Variants in C10orf143 observed in about 807,000 individuals in gnomAD.
C10orf143 encodes chromosome 10 open reading frame 143, also known as uncharacterized protein C10orf143.
At chr10:130,108,642 C>T (rs533742682) in intron 1 of C10orf143, among the ~76,000 whole-genome samples, 36 of 151,974 alleles carry the variant, frequency 2.4e-4, no homozygotes, top group South Asian at 4.2e-4. Context: ...GTATTTTATT[C>T]GATAGTATAA....
intron 3 of C10orf143, among the ~76,000 whole-genome samples, chr10:130,055,545 T>A (rs1038061367): frequency 1.3e-5 from 2 of 152,206 alleles, no homozygotes; most frequent in East Asian, 3.8e-4. Context: ...TGAGATATAA[T>A]TTCTTCCACT....
chr10:130,107,669 C>G (rs753784504), intron 1 of C10orf143: 8 of 1,302,724 alleles, frequency 6.1e-6, no homozygotes, highest in Non-Finnish European at 7.8e-6. Flanking sequence ...GTTGGAGGGT[C>G]CACTCAGACT....
chr10:130,102,778 A>C (rs536314313), intron 1 of C10orf143, among the ~76,000 whole-genome samples: 1 of 152,210 alleles, frequency 6.6e-6, no homozygotes, highest in East Asian at 1.9e-4. Context: ...TGATGAATTG[A>C]CTTTTTTAAT....
chr10:130,095,730 G>C (rs1861452050), intron 1 of C10orf143, among the ~76,000 whole-genome samples: 1 of 88,954 alleles, frequency 1.1e-5, no homozygotes, highest in Admixed American at 1.4e-4. Context: ...GGGAAGACTG[G>C]CTAAGCCATA....
intron 3 of C10orf143, among the ~76,000 whole-genome samples, chr10:130,055,172 CAGAG>C (rs1451966972): frequency 5.3e-5 from 8 of 151,812 alleles, no homozygotes; most frequent in African/African-American, 1.9e-4. Context: ...AGAAAAAAAA[CAGAG>C]AGAAGGTTTC....
At chr10:130,049,225 T>A (rs1254507229) in intron 3 of C10orf143, among the ~76,000 whole-genome samples, 4 of 152,136 alleles carry the variant, frequency 2.6e-5, no homozygotes, top group Admixed American at 2.0e-4. Flanking sequence ...TGGATCTCCA[T>A]CCACAGGGAA....
At chr10:130,057,764 G>C (rs1860811949) in intron 3 of C10orf143, among the ~76,000 whole-genome samples, 2 of 152,180 alleles carry the variant, frequency 1.3e-5, no homozygotes, top group Non-Finnish European at 2.9e-5. Context: ...CGGTAAAAGT[G>C]GCTATGAACA....
In C10orf143 at chr10:130,050,362, G is replaced by A. The variant is rs530167720; in HGVS notation, c.298-14392C>T. Among the ~76,000 whole-genome samples the A allele has an allele frequency of 4.4e-4, 67 of 152,364 alleles. 2 individuals carry two copies. The East Asian group carries it at 0.011, about 25-fold the overall frequency. Reference sequence around the variant, plus strand: ...AGGCGGGAGGATCACTTGAGCCCAGGAGTTCAAGACCAGCCTGAGCAACAT... The same window carrying A: ...AGGCGGGAGGATCACTTGAGCCCAGAAGTTCAAGACCAGCCTGAGCAACAT... On this transcript the variant is annotated intron_variant and NMD_transcript_variant, in intron 3 of 5. Transcript: ENST00000643056.
intron 3 of C10orf143, among the ~76,000 whole-genome samples, chr10:130,043,958 C>T (rs1018526464): frequency 2.2e-4 from 33 of 151,738 alleles, no homozygotes; most frequent in African/African-American, 8.0e-4. Context: ...AGCCTGGGCA[C>T]CTGGACAGTG....
rs1018226296 is a variant in C10orf143 at position 130,056,309 on chromosome 10, C to T, written c.298-20339G>A. On this transcript the variant is annotated intron_variant and NMD_transcript_variant, in intron 3 of 5. Coordinates refer to the C10orf143 transcript ENST00000643056. This position sits in a 1 kb window ranked among gnomAD's most constrained non-coding sequence, Gnocchi z 4.6. ...CCTCATGGCTCCAAGCTCCAGTGGC[C>T]GTACCAGAAGATCAGGGGTGGGGGT... 3.9e-5 allele frequency among the ~76,000 whole-genome samples: 6 copies of T among 152,118 alleles called. No homozygotes were observed. Among genetic ancestry groups the T allele is most frequent in the African/African-American group, 1.2e-4 (5 of 41,432 alleles).
chr10:130,085,365 C>A lies in C10orf143; in HGVS notation c.70-5464G>T, dbSNP rs141203199. ...ACAATACCATGAACCCTCCTCCGTA[C>A]AACGTACCAAGATGGCACAACATCA... On this transcript the variant is annotated intron_variant, in intron 1 of 3. Coordinates refer to ENST00000637128, the MANE Select transcript of C10orf143 (RefSeq NM_001355042.2). Among the ~76,000 whole-genome samples, 1,343 of 152,306 alleles carry A rather than the reference C, an allele frequency of 8.8e-3. 23 individuals carry two copies. Among genetic ancestry groups the A allele is most frequent in the African/African-American group, 0.031 (1,281 of 41,556 alleles).
chr10:130,098,095 G>A (rs1338558270), intron 1 of C10orf143, among the ~76,000 whole-genome samples: 1 of 152,122 alleles, frequency 6.6e-6, no homozygotes, highest in African/African-American at 2.4e-5. Flanking sequence ...GGCCCAGGCA[G>A]GAGGATCACT....
intron 1 of C10orf143, chr10:130,107,488 C>T: frequency 7.1e-7 from 1 of 1,413,428 alleles, no homozygotes; most frequent in Non-Finnish European, 1.0e-6. Context: ...AAAATGCTCA[C>T]AACAGACAAA....
intron 3 of C10orf143, among the ~76,000 whole-genome samples, chr10:130,069,459 C>T (rs1860994780): frequency 6.6e-6 from 1 of 152,222 alleles, no homozygotes; most frequent in Admixed American, 6.5e-5. Flanking sequence ...TAGATAGTAA[C>T]TTACATCCTC....
At chr10:130,038,582 C>T (rs938684848) in intron 3 of C10orf143, among the ~76,000 whole-genome samples, 2 of 152,044 alleles carry the variant, frequency 1.3e-5, no homozygotes, top group Admixed American at 6.6e-5. Flanking sequence ...TATTAATTGG[C>T]GTTTGCTCGT....
At chr10:130,104,149 C>T (rs1861602661) in intron 1 of C10orf143, 1 of 152,228 alleles carries the variant, frequency 6.6e-6, no homozygotes, top group Non-Finnish European at 1.5e-5. Context: ...TAAACGTAAG[C>T]AAGGCCTCTA....
chr10:130,106,492 A>G (rs765521236), intron 1 of C10orf143: 13 of 1,601,888 alleles, frequency 8.1e-6, no homozygotes, highest in Non-Finnish European at 1.1e-5. Flanking sequence ...TCTGTCTAGA[A>G]AAAGAGTTAA....
Position 130,101,873 on chromosome 10 carries a change from A to AC in C10orf143, c.69+8830_69+8831insG, listed in dbSNP as rs1483948545. 2.4e-3 allele frequency among the ~76,000 whole-genome samples: 344 copies of AC among 142,574 alleles called. 2 individuals are homozygous for AC. The highest frequency in any genetic ancestry group is 3.1e-3 in the Non-Finnish European group (207 of 67,162). 93.5% of individuals were successfully genotyped at this position (142,574 alleles called of 152,430 possible). A position where few individuals can be genotyped will look rare whatever the true frequency, so the allele number is the denominator to read the frequency against. The stretch of plus-strand genomic sequence containing the variant: ...TCAAAAAAAAAAAAAACCAAAAAAA[A>AC]AAAAAAAAAAAACTTTTTCAGAATA... On this transcript the variant is annotated intron_variant, in intron 1 of 3. Coordinates refer to ENST00000637128, the MANE Select transcript of C10orf143 (RefSeq NM_001355042.2).
downstream of C10orf143, among the ~76,000 whole-genome samples, chr10:130,059,446 T>G (rs1860830913): frequency 6.6e-6 from 1 of 152,012 alleles, no homozygotes; most frequent in African/African-American, 2.4e-5. Context: ...CATGCTCCAG[T>G]AGAAAAATGG....
Sources: gnomAD v4.1 joint callset for allele counts (sites outside exome capture counted in the v4.1 genomes callset) on GRCh38, gnomAD v4.1.1 for gene constraint, Gnocchi (gnomAD v3.1) non-coding constraint, MANE v1.5 for transcripts, NCBI Gene and HGNC (gene_info 2026-07-23, HGNC 2026-07-21) for gene names.